The following PCDHA5 variants were observed in gnomAD, a reference collection of about 807,000 sequenced individuals.
The protein encoded by PCDHA5 is protocadherin alpha 5, also known as protocadherin alpha-5.
Under a neutral mutation model 61.6 loss-of-function variants are expected in PCDHA5, and 43 were observed. That is an observed-to-expected ratio of 0.70 (90% confidence interval 0.55 to 0.90). The LOEUF (loss-of-function observed/expected upper bound fraction) is 0.90. Among genes scored for constraint, PCDHA5 ranks in the 40% least tolerant of loss-of-function variants. The pLI is 0.00. For synonymous variants in PCDHA5, 627 were observed against 543.9 expected (o/e 1.15, Z -2.13); for missense variants, 1,298 against 1,222.7 (o/e 1.06, Z -0.92).
chr5:140,865,608 A>G (rs915675853), intron 1 of PCDHA5: 4 of 152,202 alleles, frequency 2.6e-5, no homozygotes, highest in Non-Finnish European at 5.9e-5. Context: ...CAGTTTATTA[A>G]TATATTTGTT....
At chr5:140,959,583 A>G (rs529440681) in intron 1 of PCDHA5, among the ~76,000 whole-genome samples, 10 of 152,332 alleles carry the variant, frequency 6.6e-5, no homozygotes, top group Admixed American at 1.3e-4. Flanking sequence ...TTTCAATTCT[A>G]TCAGCCAAGT....
Position 140,848,471 on chromosome 5 carries a change from A to C in PCDHA5, c.2352+24344A>C, listed in dbSNP as rs1410675725. 39 of 1,555,188 alleles carry C rather than the reference A, an allele frequency of 2.5e-5. 4 individuals carry two copies. Among genetic ancestry groups the C allele is most frequent in the Non-Finnish European group, 3.2e-5 (37 of 1,144,100 alleles). On this transcript the variant is annotated intron_variant, in intron 1 of 3. Transcript: ENST00000529859. ...TCTAATTTGGAGGCAATTTTCACTA[A>C]TTAGAAGAAGACTGAGTATTTGAAA...
intron 1 of PCDHA5, chr5:140,966,644 GCGTGAGCGGT>G (rs1554228519): frequency 3.3e-5 from 37 of 1,127,012 alleles, no homozygotes; most frequent in Non-Finnish European, 4.3e-5. Flanking sequence ...GCTTTCTAGA[GCGTGAGCGGT>G]GGGGGAGCAG....
chr5:140,868,662 A>G (rs2050574102), intron 1 of PCDHA5: 1 of 163,768 alleles, frequency 6.1e-6, no homozygotes, highest in South Asian at 1.6e-4. Context: ...AGTATTTTAG[A>G]TAAGTAAAAG....
chr5:140,926,405 T>C (rs1554203436), intron 1 of PCDHA5: 1 of 152,454 alleles, frequency 6.6e-6, no homozygotes, highest in Non-Finnish European at 1.5e-5. Context: ...TTATCAGCAA[T>C]CTGCGGGCAG....
intron 1 of PCDHA5, among the ~76,000 whole-genome samples, chr5:140,872,773 C>CTA (rs1354761914): frequency 6.6e-6 from 1 of 152,078 alleles, no homozygotes; most frequent in Non-Finnish European, 1.5e-5. Context: ...GCTATATTAT[C>CTA]TATAATATAT....
chr5:140,842,093 G>A lies in PCDHA5; in HGVS notation c.2352+17966G>A, dbSNP rs145495287. On this transcript the variant is annotated intron_variant, in intron 1 of 3. Coordinates refer to ENST00000529859, the MANE Select transcript of PCDHA5 (RefSeq NM_018908.3). ...AAGAATATTCGAAAACGCAGACAAC[G>A]GAACAACAGTTATCAAACTGAATGC... The A allele has an allele frequency of 1.2e-5, 20 of 1,613,732 alleles. No homozygotes were observed. In the African/African-American group the frequency reaches 2.4e-4, roughly 19 times the overall value.
At chr5:140,857,859 C>T (rs1554150765) in intron 1 of PCDHA5, 3 of 1,597,718 alleles carry the variant, frequency 1.9e-6, no homozygotes, top group Non-Finnish European at 2.6e-6. Context: ...GGATACAACG[C>T]GTGGCTGTCG....
chr5:140,846,716 T>A (rs1562434614), intron 1 of PCDHA5, among the ~76,000 whole-genome samples: 1 of 149,312 alleles, frequency 6.7e-6, no homozygotes, highest in Non-Finnish European at 1.5e-5. Context: ...TAATAACCAG[T>A]CTTCATTAAA....
At chr5:140,829,915 G>T in intron 1 of PCDHA5, 1 of 1,614,008 alleles carries the variant, frequency 6.2e-7, no homozygotes, top group Middle Eastern at 1.7e-4. Flanking sequence ...CGTGGCTTTC[G>T]TATGAGCTGC....
At chr5:140,924,903 AAATAAAATAAAATAAAAT>A (rs2082154741) in intron 1 of PCDHA5, among the ~76,000 whole-genome samples, 1 of 54,856 alleles carries the variant, frequency 1.8e-5, no homozygotes, top group Non-Finnish European at 3.6e-5. Flanking sequence ...TCAAAAAAAA[AAATAAAATAAAATAAAAT>A]AAAATAAAAT....
At chr5:140,997,849 T>C (rs1554256029) in intron 3 of PCDHA5, among the ~76,000 whole-genome samples, 1 of 152,208 alleles carries the variant, frequency 6.6e-6, no homozygotes, top group African/African-American at 2.4e-5. Flanking sequence ...TACATTCTTA[T>C]ACATATTTCT....
At chr5:140,907,391 A>G (rs1455875344) in intron 1 of PCDHA5, among the ~76,000 whole-genome samples, 2 of 152,214 alleles carry the variant, frequency 1.3e-5, no homozygotes, top group African/African-American at 2.4e-5. Context: ...GGTCAAAGGC[A>G]ATGCTGTGTG....
At chr5:140,984,680 AT>A (rs1180119303) in intron 3 of PCDHA5, among the ~76,000 whole-genome samples, 1 of 152,158 alleles carries the variant, frequency 6.6e-6, no homozygotes, top group East Asian at 1.9e-4. Context: ...TTAGGACTCA[AT>A]ATATGTTCTG....
chr5:140,829,086 G>A, intron 1 of PCDHA5: 2 of 1,611,294 alleles, frequency 1.2e-6, no homozygotes, highest in East Asian at 2.2e-5. Flanking sequence ...CCCATGGCGG[G>A]TCATTGCACC....
chr5:140,821,864 T>C lies in PCDHA5; in HGVS notation c.89T>C (p.Leu30Pro). The change falls in exon 1 of 4, where the codon CTC becomes CCC. Residue 30 changes from leucine to proline, a missense_variant. Transcript: ENST00000529859. Reference protein sequence around the residue: ...LAYWKAGSGQLHYSIPEEAKH... With the variant: ...LAYWKAGSGQPHYSIPEEAKH... The stretch of plus-strand genomic sequence containing the variant: ...TACTGGAAGGCAGGGAGCGGCCAGC[T>C]CCACTACTCGATCCCGGAGGAAGCC... 6.2e-7 allele frequency: 1 copy of C among 1,614,208 alleles called. No individual in the cohort carries two copies. Among genetic ancestry groups the C allele is most frequent in the South Asian group, 1.1e-5 (1 of 91,080 alleles).
At chr5:140,958,868 A>G (rs2095446207) in intron 1 of PCDHA5, among the ~76,000 whole-genome samples, 2 of 152,108 alleles carry the variant, frequency 1.3e-5, no homozygotes, top group Non-Finnish European at 2.9e-5. Context: ...CTGGGTTTAT[A>G]AAAGAATTGA....
At chr5:140,868,898 T>C (rs2050724806) in intron 1 of PCDHA5, 1 of 800,434 alleles carries the variant, frequency 1.2e-6, no homozygotes, top group African/African-American at 1.7e-5. Flanking sequence ...GCGCAAGGTG[T>C]CGCTCTTTAC....
intron 1 of PCDHA5, among the ~76,000 whole-genome samples, chr5:140,847,026 G>T (rs1780819031): frequency 6.7e-6 from 1 of 149,736 alleles, no homozygotes; most frequent in Non-Finnish European, 1.5e-5. Flanking sequence ...TTCTTGGAAA[G>T]AGAAAACATA....
Sources: gnomAD v4.1 joint callset for allele counts (sites outside exome capture counted in the v4.1 genomes callset) on GRCh38, gnomAD v4.1.1 for gene constraint, MANE v1.5 for transcripts, NCBI Gene and HGNC (gene_info 2026-07-23, HGNC 2026-07-21) for gene names.